Variants in DMD observed in about 807,000 individuals in gnomAD.
The protein encoded by DMD is mutant dystrophin.
DMD carries 63 observed loss-of-function variants against 330.1 expected under a neutral mutation model. That is an observed-to-expected ratio of 0.19 (90% CI 0.16 to 0.24). The LOEUF is 0.24. Among genes scored for constraint, DMD ranks in the 10% least tolerant of loss-of-function variants. DMD has a pLI of 1.00. For synonymous variants in DMD, 1,223 were observed against 959.8 expected (o/e 1.27, Z -5.07); for missense variants, 3,344 against 2,684.1 (o/e 1.25, Z -5.43).
At chrX:31,153,765 C>G (rs776762792) in intron 74 of DMD, among the ~76,000 whole-genome samples, 1 of 112,061 alleles carries the variant, frequency 8.9e-6, no homozygotes, top group South Asian at 3.8e-4. Context: ...ATATGACATA[C>G]AGAAACCTCT....
chrX:31,147,210 CT>C (rs2036823798), intron 75 of DMD, 64 bp downstream of exon 75: 8 of 1,203,985 alleles, frequency 6.6e-6, no homozygotes, highest in Non-Finnish European at 6.7e-6. Flanking sequence ...AAAGTGCTCT[CT>C]GAGGTTTAGT....
At chrX:32,743,929 T>TA (rs1465418634) in intron 7 of DMD, among the ~76,000 whole-genome samples, 3 of 111,230 alleles carry the variant, frequency 2.7e-5, no homozygotes, top group Non-Finnish European at 5.7e-5. Context: ...ATATTTTACA[T>TA]AAAAAAATAT....
At chrX:31,994,515 A>G (rs996683928) in intron 44 of DMD, among the ~76,000 whole-genome samples, 7 of 111,736 alleles carry the variant, frequency 6.3e-5, no homozygotes, top group Non-Finnish European at 1.1e-4. Flanking sequence ...AAGGAGCTCA[A>G]ACTAATAACC....
At chrX:32,237,473 T>C (rs1405065679) in intron 43 of DMD, among the ~76,000 whole-genome samples, 1 of 111,375 alleles carries the variant, frequency 9.0e-6, no homozygotes, top group Non-Finnish European at 1.9e-5. Context: ...ACCATCTTTC[T>C]GGCACCACTT....
chrX:31,464,749 C>T (rs2066740374), intron 59 of DMD, among the ~76,000 whole-genome samples: 1 of 112,195 alleles, frequency 8.9e-6, no homozygotes, highest in African/African-American at 3.2e-5. Flanking sequence ...TTTAAGTCTC[C>T]CTAAGAGGCT....
At chrX:31,246,494 T>C (rs2066890309) in intron 63 of DMD, among the ~76,000 whole-genome samples, 1 of 112,482 alleles carries the variant, frequency 8.9e-6, no homozygotes, top group Admixed American at 9.4e-5. Flanking sequence ...AGGACTTTCA[T>C]AGCTCTAGAG....
chrX:32,564,095 T>C lies in DMD; in HGVS notation c.1992+1607A>G, dbSNP rs60083095. 2.9e-3 allele frequency among the ~76,000 whole-genome samples: 325 copies of C among 111,500 alleles called. 11 individuals carry two copies. In the East Asian group the frequency reaches 0.076, roughly 26 times the overall value. ...TTGTATCAAAGGCTTAGTAAAGATGTAGATTTTTAGGTCCTTATCACAGCT... is the reference window on the plus strand; with the variant it reads ...TTGTATCAAAGGCTTAGTAAAGATGCAGATTTTTAGGTCCTTATCACAGCT... On this transcript the variant is annotated intron_variant, in intron 16 of 78. Coordinates refer to ENST00000357033, the MANE Select transcript of DMD (RefSeq NM_004006.3).
intron 51 of DMD, among the ~76,000 whole-genome samples, chrX:31,735,407 A>T (rs5971594): frequency 0.049 from 5,497 of 111,052 alleles, 141 homozygotes; most frequent in East Asian, 0.089. Context: ...TAGACCCTAA[A>T]CCTCTCATCA....
intron 9 of DMD, among the ~76,000 whole-genome samples, chrX:32,696,704 A>C (rs2063681241): frequency 9.0e-6 from 1 of 110,940 alleles, no homozygotes; most frequent in Admixed American, 9.7e-5. Flanking sequence ...AAAAACCCCT[A>C]TATCTTTGCT....
intron 57 of DMD, among the ~76,000 whole-genome samples, chrX:31,480,358 T>C (rs1012882677): frequency 1.8e-5 from 2 of 111,715 alleles, no homozygotes; most frequent in Non-Finnish European, 3.8e-5. Context: ...TACAATTCAA[T>C]AGAGAAAGGG....
Position 32,441,532 on chromosome X carries a change from T to A in DMD, c.3787-218A>T, listed in dbSNP as rs763672208. Among the ~76,000 whole-genome samples, 89 of 111,704 alleles carry A rather than the reference T, an allele frequency of 8.0e-4. 1 individual carries two copies. Among genetic ancestry groups the A allele is most frequent in the Non-Finnish European group, 1.5e-3 (77 of 52,787 alleles). On this transcript the variant is annotated intron_variant, in intron 27 of 78. Coordinates refer to ENST00000357033, the MANE Select transcript of DMD (RefSeq NM_004006.3). ...AACATTTTATTACATGAATAATGAA[T>A]AAATTCAAAAGACAGTAATTTACTT...
At chrX:33,226,237 T>C (rs761197571) in intron 1 of DMD, among the ~76,000 whole-genome samples, 120 of 111,237 alleles carry the variant, frequency 1.1e-3, no homozygotes, top group Non-Finnish European at 2.0e-3. Flanking sequence ...CCCAGATAAA[T>C]GAAAATTTGC....
In DMD at chrX:32,674,933, CTAAA is replaced by C. The variant is rs1453453038; in HGVS notation, c.960+22933_960+22936del. Among the ~76,000 whole-genome samples, 4 of 108,771 alleles carry C rather than the reference CTAAA, an allele frequency of 3.7e-5. No individual in the cohort carries two copies. The Admixed American group carries it at 3.9e-4, about 11-fold the overall frequency. 94.5% of individuals were successfully genotyped at this position (108,771 alleles called of 115,157 possible). ...TTGAGTACATTTGAAACCAAGCATC[CTAAA>C]TAATACAGGATATAATAGACTTTAA... On this transcript the variant is annotated intron_variant, in intron 9 of 78. Transcript: ENST00000357033.
intron 42 of DMD, 71 bp from the exon 43 acceptor site, chrX:32,287,772 T>G: frequency 1.4e-6 from 1 of 719,975 alleles, no homozygotes; most frequent in Non-Finnish European, 2.0e-6. Context: ...AATATATATA[T>G]ATATACAAAT....
intron 45 of DMD, among the ~76,000 whole-genome samples, chrX:31,959,769 G>GTTTT (rs201621257): frequency 3.7e-5 from 3 of 80,887 alleles, no homozygotes; most frequent in Admixed American, 1.4e-4. Context: ...CAGCACCGTG[G>GTTTT]TTTTTTTTTT....
rs868359319 is a variant in DMD, at chrX:32,083,272, C to T, written c.6439-114758G>A. Reference sequence around the variant, plus strand: ...TCTGATAGCCACCTGAATAAAAAATCTTTTTTTTTTTTCTTTTTTTGAGAT... The same window carrying T: ...TCTGATAGCCACCTGAATAAAAAATTTTTTTTTTTTTTCTTTTTTTGAGAT... On this transcript the variant is annotated intron_variant, in intron 44 of 78. Coordinates refer to ENST00000357033, the MANE Select transcript of DMD (RefSeq NM_004006.3). 4.9e-5 allele frequency among the ~76,000 whole-genome samples: 5 copies of T among 102,997 alleles called. 1 individual carries two copies. The highest frequency in any genetic ancestry group is 1.4e-4 in the African/African-American group (4 of 28,012). The allele number at this position is 102,997 out of a possible 115,157, so 89.4% of individuals were successfully genotyped here. A position where few individuals can be genotyped will look rare whatever the true frequency, so the allele number is the denominator to read the frequency against.
chrX:32,149,490 A>G (rs749807626), intron 44 of DMD, among the ~76,000 whole-genome samples: 10 of 111,947 alleles, frequency 8.9e-5, no homozygotes, highest in Middle Eastern at 4.6e-3. Context: ...TGTGGCCCAG[A>G]GAGGTCAATA....
intron 1 of DMD, among the ~76,000 whole-genome samples, chrX:33,246,051 A>C (rs1347201364): frequency 8.9e-6 from 1 of 112,151 alleles, no homozygotes; most frequent in Non-Finnish European, 1.9e-5. Flanking sequence ...AATATATGTT[A>C]ATGAAATGTA....
intron 1 of DMD, among the ~76,000 whole-genome samples, chrX:33,063,921 T>C (rs1480154731): frequency 8.9e-6 from 1 of 112,041 alleles, no homozygotes; most frequent in African/African-American, 3.2e-5. Flanking sequence ...TGTACCTTCC[T>C]AAGTCCACTT....
Sources: gnomAD v4.1 joint callset for allele counts (sites outside exome capture counted in the v4.1 genomes callset) on GRCh38, gnomAD v4.1.1 for gene constraint, MANE v1.5 for transcripts, NCBI Gene and HGNC (gene_info 2026-07-23, HGNC 2026-07-21) for gene names.